Variants in KCNH7 observed in about 807,000 individuals in gnomAD.
The protein encoded by KCNH7 is potassium voltage-gated channel subfamily H member 7.
KCNH7 carries 49 observed loss-of-function variants against 120.8 expected under a neutral mutation model. The ratio of observed to expected loss-of-function variants is 0.41; its 90% CI spans 0.32 to 0.51. KCNH7 has a LOEUF of 0.51. Among genes scored for constraint, KCNH7 ranks in the 20% least tolerant of loss-of-function variants. The pLI is 0.38. For missense variants in KCNH7, 1,097 were observed against 1,446.6 expected (o/e 0.76, Z 3.92); for synonymous variants, 547 against 516.1 (o/e 1.06, Z -0.81).
intron 13 of KCNH7, among the ~76,000 whole-genome samples, chr2:162,382,776 A>G (rs955154278): frequency 3.9e-5 from 6 of 152,096 alleles, no homozygotes; most frequent in African/African-American, 1.4e-4. Flanking sequence ...TATCATCTTA[A>G]AAATCATTAA....
At chr2:162,669,092 A>T (rs528244788) in intron 2 of KCNH7, among the ~76,000 whole-genome samples, 3 of 152,142 alleles carry the variant, frequency 2.0e-5, no homozygotes, top group Admixed American at 2.0e-4. Context: ...GTGAGAAGTT[A>T]TATGTTCAGG....
rs1053345854 is a variant in KCNH7 at position 162,766,184 on chromosome 2, T to TTG, written c.307+70351_307+70352dup. On this transcript the variant is annotated intron_variant, in intron 2 of 15. Coordinates refer to ENST00000332142, the MANE Select transcript of KCNH7 (RefSeq NM_033272.4). ...TTCTTTTTAAATGTGTGTGTGTGTT[T>TTG]TGTGTGTGTGTGTGTCAAAGGAAGG... Among the ~76,000 whole-genome samples the TTG allele has an allele frequency of 2.3e-4, 35 of 151,910 alleles. No individual in the cohort carries two copies. The East Asian group carries it at 5.8e-3, about 25-fold the overall frequency.
At chr2:162,751,710 A>G (rs1688556945) in intron 2 of KCNH7, among the ~76,000 whole-genome samples, 1 of 151,930 alleles carries the variant, frequency 6.6e-6, no homozygotes, top group Non-Finnish European at 1.5e-5. Flanking sequence ...ATTAAATATT[A>G]TAATAAATAA....
intron 2 of KCNH7, among the ~76,000 whole-genome samples, chr2:162,584,704 TAGAGCTC>T (rs1693971164): frequency 6.6e-6 from 1 of 152,000 alleles, no homozygotes; most frequent in South Asian, 2.1e-4. Flanking sequence ...TACACAGCAT[TAGAGCTC>T]AGAGGCACTG....
chr2:162,391,963 A>G (rs1382912369), intron 12 of KCNH7, among the ~76,000 whole-genome samples: 1 of 152,062 alleles, frequency 6.6e-6, no homozygotes, highest in Non-Finnish European at 1.5e-5. Flanking sequence ...CAAAATTATC[A>G]ACTATCTATG....
chr2:162,407,102 G>A (rs1237980390), intron 9 of KCNH7, among the ~76,000 whole-genome samples: 1 of 151,888 alleles, frequency 6.6e-6, no homozygotes, highest in Non-Finnish European at 1.5e-5. Flanking sequence ...CATCACATAA[G>A]GCCAGATTGT....
At chr2:162,807,557 G>A (rs1684594055) in intron 2 of KCNH7, among the ~76,000 whole-genome samples, 2 of 152,106 alleles carry the variant, frequency 1.3e-5, no homozygotes, top group Admixed American at 1.3e-4. Flanking sequence ...TTGAAAAACA[G>A]TCTAACATCC....
intron 2 of KCNH7, among the ~76,000 whole-genome samples, chr2:162,692,645 A>G (rs1686153959): frequency 6.6e-6 from 1 of 152,200 alleles, no homozygotes; most frequent in South Asian, 2.1e-4. Context: ...ATTTTAGAGT[A>G]TAGGATGGCA....
At chr2:162,406,191 T>C (rs545260907) in intron 9 of KCNH7, among the ~76,000 whole-genome samples, 4 of 152,082 alleles carry the variant, frequency 2.6e-5, no homozygotes, top group East Asian at 1.9e-4. Context: ...GTGTCAACAA[T>C]TGAGCTGGTT....
At chr2:162,837,049 C>T (rs1026033215) in intron 1 of KCNH7, among the ~76,000 whole-genome samples, 1 of 152,124 alleles carries the variant, frequency 6.6e-6, no homozygotes, top group Admixed American at 6.5e-5. Flanking sequence ...CCTGCAACTG[C>T]GGGGGTTCCT....
intron 4 of KCNH7, 30 bp downstream of exon 4, chr2:162,517,700 T>C (rs1691354008): frequency 2.0e-6 from 3 of 1,494,872 alleles, no homozygotes; most frequent in East Asian, 4.6e-5. Flanking sequence ...CATTAATATA[T>C]GTTTCCATTT....
intron 2 of KCNH7, among the ~76,000 whole-genome samples, chr2:162,690,535 A>G (rs1037057003): frequency 1.3e-5 from 2 of 152,152 alleles, no homozygotes; most frequent in Non-Finnish European, 2.9e-5. Context: ...TATAGAGGAA[A>G]TATATAAACA....
chr2:162,793,255 A>G (rs1197394355), intron 2 of KCNH7, among the ~76,000 whole-genome samples: 1 of 151,994 alleles, frequency 6.6e-6, no homozygotes, highest in African/African-American at 2.4e-5. Context: ...ATGGGAACAC[A>G]TGGACACCTA....
At chr2:162,686,032 A>G (rs1381168390) in intron 2 of KCNH7, among the ~76,000 whole-genome samples, 4 of 152,112 alleles carry the variant, frequency 2.6e-5, no homozygotes, top group Non-Finnish European at 5.9e-5. Flanking sequence ...GAATAAGTCA[A>G]CCAGGTCAAG....
chr2:162,593,382 A>G (rs376105603), intron 2 of KCNH7, among the ~76,000 whole-genome samples: 2 of 152,202 alleles, frequency 1.3e-5, no homozygotes, highest in South Asian at 4.1e-4. Context: ...TCTCTTGAAG[A>G]GTAGGGATAT....
chr2:162,672,308 T>C (rs1685387792), intron 2 of KCNH7, among the ~76,000 whole-genome samples: 1 of 152,220 alleles, frequency 6.6e-6, no homozygotes, highest in African/African-American at 2.4e-5. Context: ...ATGTACACCA[T>C]ATTTTCTGAT....
chr2:162,801,560 G>A (rs1390680846), intron 2 of KCNH7, among the ~76,000 whole-genome samples: 2 of 151,600 alleles, frequency 1.3e-5, no homozygotes, highest in Non-Finnish European at 3.0e-5. Context: ...TTCTCAAAAG[G>A]CAACAGAATC....
At chr2:162,595,698 T>C (rs1694354766) in intron 2 of KCNH7, among the ~76,000 whole-genome samples, 1 of 152,082 alleles carries the variant, frequency 6.6e-6, no homozygotes, top group Admixed American at 6.6e-5. Context: ...ATTCACATTG[T>C]GCTGGAAGTC....
chr2:162,652,170 TG>T (rs1684587772), intron 2 of KCNH7, among the ~76,000 whole-genome samples: 1 of 152,194 alleles, frequency 6.6e-6, no homozygotes, highest in Non-Finnish European at 1.5e-5. Flanking sequence ...GTTTGTGATA[TG>T]GGGGAAAGAG....
Sources: gnomAD v4.1 joint callset for allele counts (sites outside exome capture counted in the v4.1 genomes callset) on GRCh38, gnomAD v4.1.1 for gene constraint, MANE v1.5 for transcripts, NCBI Gene and HGNC (gene_info 2026-07-23, HGNC 2026-07-21) for gene names.